The following PPP6R3 variants were observed in gnomAD, a reference collection of about 807,000 sequenced individuals.
The protein encoded by PPP6R3 is protein phosphatase 6 regulatory subunit 3, also known as serine/threonine-protein phosphatase 6 regulatory subunit 3.
Under a neutral mutation model 110.7 loss-of-function variants are expected in PPP6R3, and 38 were observed. The observed-to-expected ratio is 0.34, with a 90% CI of 0.26 to 0.45. The LOEUF is 0.45. Among genes scored for constraint, PPP6R3 ranks in the 20% least tolerant of loss-of-function variants. The pLI, the probability that PPP6R3 is intolerant of heterozygous loss-of-function variation, is 1.00. For missense variants in PPP6R3, 870 were observed against 1,062.4 expected, an observed-to-expected ratio of 0.82 and a Z score of 2.52; for synonymous variants, 369 against 373.5, an observed-to-expected ratio of 0.99 and a Z score of 0.14.
At position 68,544,972 on chromosome 11, in the gene PPP6R3, C is replaced by G. The variant is rs1432610651; in HGVS notation, c.362C>G (p.Ala121Gly). The stretch of plus-strand genomic sequence containing the variant: ...GATTCCCCTTTGAATCCACTACTTG[C>G]CAGTTTCTTCAGCAAGGTGCTAAGT... ...LNDSPLNPLL[A>G]SFFSKVLSIL... The change falls in exon 4 of 24, where the codon GCC (alanine) becomes GGC (glycine). Residue 121 changes from alanine (A) to glycine (G), a missense_variant. By Grantham distance (60) the Ala-to-Gly change is moderately conservative (BLOSUM62 0). Coordinates refer to ENST00000393800, the MANE Select transcript of PPP6R3 (RefSeq NM_001164161.2). The G allele has an allele frequency of 1.2e-6, 2 of 1,609,384 alleles. No homozygotes were observed. Among genetic ancestry groups the G allele is most frequent in the Non-Finnish European group, 1.7e-6 (2 of 1,175,842 alleles).
chr11:68,489,486 C>T (rs2098969597), intron 1 of PPP6R3, among the ~76,000 whole-genome samples: 1 of 151,810 alleles, frequency 6.6e-6, no homozygotes. Flanking sequence ...AGAGGTAGTG[C>T]ACATACAGGT....
At position 68,492,579 on chromosome 11, in the gene PPP6R3, G is replaced by A. The variant is rs527669546; in HGVS notation, c.-157-26922G>A. ...GAGAGTGATGCTGCCATGAACATGG[G>A]TGTATAAATATCTGTTCAAGTCTCT... is the stretch of plus-strand genomic sequence containing the variant. On this transcript the variant is annotated intron_variant, in intron 1 of 23. Transcript: ENST00000393800. Among the ~76,000 whole-genome samples, 5 of 152,310 alleles carry A rather than the reference G, an allele frequency of 3.3e-5. 1 individual carries two copies. The South Asian group carries it at 1.0e-3, about 32-fold the overall frequency.
rs566226846 is a variant in PPP6R3, at chr11:68,591,438, T to C, written c.1786-138T>C. The stretch of plus-strand genomic sequence containing the variant: ...GACACAGAAACTAATGTTAGGTGTT[T>C]ATATTTTATTTTGGTGTATGTGATA... On this transcript the variant is annotated intron_variant, in intron 17 of 23. Coordinates refer to ENST00000393800, the MANE Select transcript of PPP6R3 (RefSeq NM_001164161.2). The C allele has an allele frequency of 5.2e-4, 378 of 729,058 alleles. 2 individuals carry two copies. The highest frequency in any genetic ancestry group is 3.0e-3 in the Middle Eastern group (8 of 2,640). 45.2% of individuals were successfully genotyped at this position (729,058 alleles called of 1,614,324 possible). A position where few individuals can be genotyped will look rare whatever the true frequency, so the allele number is the denominator to read the frequency against.
intron 1 of PPP6R3, among the ~76,000 whole-genome samples, chr11:68,514,552 T>G (rs2099126576): frequency 6.6e-6 from 1 of 152,096 alleles, no homozygotes; most frequent in Admixed American, 6.6e-5. Context: ...CTATGACGTA[T>G]TCTCTCATTT....
rs370964797 is a variant in PPP6R3, at chr11:68,600,532, G to T, written c.2192+38G>T. ...GTGCTGTCTCTACACCCTTCCACGG[G>T]GGACCTGGGAATGGTCAGGTGTTTG... On this transcript the variant is annotated intron_variant, in intron 20 of 23. Coordinates refer to ENST00000393800, the MANE Select transcript of PPP6R3 (RefSeq NM_001164161.2). The T allele has an allele frequency of 6.3e-6, 10 of 1,579,178 alleles. No individual in the cohort carries two copies. In the African/African-American group the frequency reaches 1.2e-4, roughly 19 times the overall value.
In PPP6R3 at chr11:68,548,962, C is replaced by G. The variant is rs147609711; in HGVS notation, c.552+758C>G. On this transcript the variant is annotated intron_variant, in intron 5 of 23. Transcript: ENST00000393800. ...CTGGAGTGCAGTGGCGTGATCTCGGCTCACTGCAACCTCTGCCTCCCAGGT... is the reference window on the plus strand; with the variant it reads ...CTGGAGTGCAGTGGCGTGATCTCGGGTCACTGCAACCTCTGCCTCCCAGGT... Among the ~76,000 whole-genome samples the G allele has an allele frequency of 1.4e-3, 214 of 152,270 alleles. 1 individual carries two copies. Among genetic ancestry groups the G allele is most frequent in the African/African-American group, 4.8e-3 (200 of 41,548 alleles).
At position 68,599,340 on chromosome 11, in the gene PPP6R3, A is replaced by G. The variant is rs184319688; in HGVS notation, c.2039-1001A>G. ...GACCTGACTTCATCAGAAGGGACAC[A>G]TGTCTGAGGAGGTGACATTTAAGGA... On this transcript the variant is annotated intron_variant, in intron 19 of 23. Coordinates refer to ENST00000393800, the MANE Select transcript of PPP6R3 (RefSeq NM_001164161.2). 2.6e-5 allele frequency among the ~76,000 whole-genome samples: 4 copies of G among 152,380 alleles called. No homozygotes were observed. In the East Asian group the frequency reaches 7.7e-4, roughly 29 times the overall value.
In PPP6R3 at chr11:68,601,979, G is replaced by C. The variant is rs757875167; in HGVS notation, c.2299+10G>C. ...GCAGTGCAGCCAGAAGGTGCGTGCA[G>C]AGAGGCCTGGGTACACGCCAGGGTC... is the stretch of plus-strand genomic sequence containing the variant. On this transcript the variant is annotated intron_variant, in intron 21 of 23. Coordinates refer to ENST00000393800, the MANE Select transcript of PPP6R3 (RefSeq NM_001164161.2). 3 of 1,602,110 alleles carry C rather than the reference G, an allele frequency of 1.9e-6. No individual in the cohort carries two copies. Among genetic ancestry groups the C allele is most frequent in the Non-Finnish European group, 2.6e-6 (3 of 1,172,054 alleles).
rs775977101 is a variant in PPP6R3 at position 68,603,397 on chromosome 11, T to C, written c.2355T>C (p.Ser785=). ...CTGACGGAGAGGAGGATGCAGAAAGTACAGACAAGGTAACTGAGACAGTGA... is the reference window on the plus strand; with the variant it reads ...CTGACGGAGAGGAGGATGCAGAAAGCACAGACAAGGTAACTGAGACAGTGA... The part of the protein sequence containing the change: ...ASSDGEEDAE[S]TDKVTETVMN... Residue 785 remains serine (S), a synonymous_variant, in exon 22 of 24, where the codon AGT becomes AGC. Transcript: ENST00000393800. 9 of 1,613,758 alleles carry C rather than the reference T, an allele frequency of 5.6e-6. No individual in the cohort carries two copies. The South Asian group carries it at 9.9e-5, about 18-fold the overall frequency.
intron 8 of PPP6R3, among the ~76,000 whole-genome samples, chr11:68,559,436 T>C (rs2099410849): frequency 6.6e-6 from 1 of 152,248 alleles, no homozygotes; most frequent in Non-Finnish European, 1.5e-5. Flanking sequence ...GGTTGGAATT[T>C]TGTATTTTTT....
chr11:68,583,846 T>C (rs1326384780), intron 15 of PPP6R3, among the ~76,000 whole-genome samples: 1 of 152,184 alleles, frequency 6.6e-6, no homozygotes, highest in Admixed American at 6.5e-5. Context: ...TGCCTTGGCT[T>C]ACATGTTGCT....
rs2099595673 is a variant in PPP6R3 at position 68,591,635 on chromosome 11, T to A, written c.1845T>A (p.Gly615=). ...CKERIQQFDD[G]GSDEEDIWEE... ...AAAGAATACAACAGTTTGATGATGG[T>A]GGCTCTGATGAGGAAGATATATGGG... Residue 615 remains glycine (G), a synonymous_variant, in exon 18 of 24, where the codon GGT becomes GGA. Transcript: ENST00000393800. The A allele has an allele frequency of 6.2e-7, 1 of 1,613,388 alleles. No homozygotes were observed. The highest frequency in any genetic ancestry group is 1.3e-5 in the African/African-American group (1 of 75,042).
chr11:68,522,217 G>A (rs1225942330), intron 2 of PPP6R3, among the ~76,000 whole-genome samples: 1 of 152,224 alleles, frequency 6.6e-6, no homozygotes, highest in East Asian at 1.9e-4. Flanking sequence ...TATGGAGATT[G>A]CCTTTGCCTT....
intron 14 of PPP6R3, among the ~76,000 whole-genome samples, chr11:68,580,285 AT>A (rs1389388522): frequency 6.6e-6 from 1 of 152,188 alleles, no homozygotes; most frequent in Non-Finnish European, 1.5e-5. Context: ...GTCTATGGTA[AT>A]TTTGATCTAA....
intron 1 of PPP6R3, among the ~76,000 whole-genome samples, chr11:68,517,130 C>G (rs550397096): frequency 6.6e-6 from 1 of 150,554 alleles, no homozygotes; most frequent in South Asian, 2.1e-4. Flanking sequence ...TTTAGAACCC[C>G]TGTTGGTTGG....
chr11:68,584,567 G>T (rs1341151144), intron 15 of PPP6R3, among the ~76,000 whole-genome samples: 5 of 152,226 alleles, frequency 3.3e-5, no homozygotes, highest in Non-Finnish European at 7.3e-5. Flanking sequence ...AACTTCGGCT[G>T]TCAATTTAGT....
At chr11:68,552,231 G>A (rs1200912155) in intron 6 of PPP6R3, among the ~76,000 whole-genome samples, 1 of 152,226 alleles carries the variant, frequency 6.6e-6, no homozygotes, top group African/African-American at 2.4e-5. Flanking sequence ...TTCAAAGTTT[G>A]TCCTGAAGCT....
chr11:68,489,283 A>G (rs1565366736), intron 1 of PPP6R3, among the ~76,000 whole-genome samples: 1 of 151,352 alleles, frequency 6.6e-6, no homozygotes, highest in African/African-American at 2.4e-5. Context: ...CCTCCCAAAT[A>G]TTTTTTTGTT....
chr11:68,492,075 A>C (rs762903121), intron 1 of PPP6R3, among the ~76,000 whole-genome samples: 1 of 152,190 alleles, frequency 6.6e-6, no homozygotes, highest in African/African-American at 2.4e-5. Context: ...TGCATCATAC[A>C]GTATTTGTCC....
Sources: gnomAD v4.1 joint callset for allele counts (sites outside exome capture counted in the v4.1 genomes callset) on GRCh38, gnomAD v4.1.1 for gene constraint, MANE v1.5 for transcripts, NCBI Gene and HGNC (gene_info 2026-07-23, HGNC 2026-07-21) for gene names.